The following AGMO variants were observed in gnomAD, a reference collection of about 807,000 sequenced individuals.
AGMO encodes alkylglycerol monooxygenase, also known as glyceryl-ether monooxygenase.
In AGMO, 75 loss-of-function variants were observed where a neutral mutation model predicts 60.2. That is an observed-to-expected ratio of 1.25 (90% confidence interval 1.03 to 1.51). AGMO has a LOEUF of 1.51. Among genes scored for constraint, AGMO ranks in the 40% most tolerant of loss-of-function variants. AGMO has a pLI of 0.00. For missense variants in AGMO, 763 were observed against 525.5 expected, an observed-to-expected ratio of 1.45 and a Z score of -4.42; for synonymous variants, 261 against 177.1, an observed-to-expected ratio of 1.47 and a Z score of -3.76.
the AGMO span, among the ~76,000 whole-genome samples, chr7:15,194,299 G>C: frequency 1.3e-5 from 2 of 152,060 alleles, no homozygotes; most frequent in South Asian, 4.2e-4. Flanking sequence ...TTCAGCTATG[G>C]AGCCAGCACA....
intron 12 of AGMO, among the ~76,000 whole-genome samples, chr7:15,294,274 T>C (rs1784353284): frequency 6.6e-6 from 1 of 152,018 alleles, no homozygotes; most frequent in African/African-American, 2.4e-5. Context: ...AACTTAGCTA[T>C]AACATGCTAG....
At chr7:15,486,738 TTTTTA>T (rs1423551772) in intron 3 of AGMO, among the ~76,000 whole-genome samples, 5 of 152,036 alleles carry the variant, frequency 3.3e-5, no homozygotes, top group African/African-American at 1.2e-4. Context: ...TACTTTTTAA[TTTTTA>T]TTTTATCTTT....
the AGMO span, among the ~76,000 whole-genome samples, chr7:15,170,140 G>C: frequency 6.6e-6 from 1 of 152,226 alleles, no homozygotes; most frequent in Non-Finnish European, 1.5e-5. Context: ...TCTGTCTTCT[G>C]ACCAGGGGTG....
chr7:15,191,280 T>C, the AGMO span, among the ~76,000 whole-genome samples: 2 of 152,146 alleles, frequency 1.3e-5, no homozygotes, highest in African/African-American at 4.8e-5. Context: ...TAACACGATA[T>C]CTTGCTAAAT....
intron 3 of AGMO, among the ~76,000 whole-genome samples, chr7:15,501,099 C>G (rs1783373874): frequency 6.6e-6 from 1 of 150,792 alleles, no homozygotes; most frequent in South Asian, 2.1e-4. Flanking sequence ...GTTTTATGTC[C>G]AATTGTTTGG....
chr7:15,527,663 T>C (rs1784161588), intron 3 of AGMO, among the ~76,000 whole-genome samples: 1 of 152,200 alleles, frequency 6.6e-6, no homozygotes, highest in Non-Finnish European at 1.5e-5. Context: ...AGCCATATAT[T>C]GGAAGAAGAT....
At chr7:15,352,421 A>T (rs1782276440) in intron 12 of AGMO, among the ~76,000 whole-genome samples, 1 of 151,826 alleles carries the variant, frequency 6.6e-6, no homozygotes, top group Admixed American at 6.6e-5. Context: ...TCAAGGGCAG[A>T]CATTTCTAAT....
chr7:15,314,366 T>C (rs554755412), intron 12 of AGMO, among the ~76,000 whole-genome samples: 7 of 152,168 alleles, frequency 4.6e-5, no homozygotes, highest in African/African-American at 1.7e-4. Context: ...AATTGAGTCA[T>C]ACATATATTT....
chr7:15,418,793 T>C, intron 4 of AGMO, 140 bp from the exon 5 acceptor site: 1 of 568,218 alleles, frequency 1.8e-6, no homozygotes, highest in Non-Finnish European at 3.0e-6. Context: ...CCATGTTTAC[T>C]TTGCAACATT....
At chr7:15,481,730 G>T (rs574836886) in intron 3 of AGMO, among the ~76,000 whole-genome samples, 1 of 149,796 alleles carries the variant, frequency 6.7e-6, no homozygotes, top group Non-Finnish European at 1.5e-5. Context: ...TTCAGGATCC[G>T]CCCATACAAT....
Position 15,390,669 on chromosome 7 carries a change from A to G in AGMO, c.822+2T>C, listed in dbSNP as rs199809370. On this transcript the variant is annotated splice_donor_variant, in intron 8 of 12. Coordinates refer to ENST00000342526, the MANE Select transcript of AGMO (RefSeq NM_001004320.2). LOFTEE classifies it high-confidence loss of function. ...AGAAAGAATAAAAAACAAGTATGTT[A>G]CCTGCACTTTGATTGGTTCAAATGT... 125 of 1,580,940 alleles carry G rather than the reference A, an allele frequency of 7.9e-5. No homozygotes were observed. The highest frequency in any genetic ancestry group is 9.9e-5 in the Non-Finnish European group (115 of 1,157,464).
At chr7:15,210,521 G>A (rs978166336) in intron 12 of AGMO, among the ~76,000 whole-genome samples, 2 of 152,068 alleles carry the variant, frequency 1.3e-5, no homozygotes, top group African/African-American at 4.8e-5. Flanking sequence ...AGCAGATGCA[G>A]AGTATTTTAA....
chr7:15,499,742 T>C (rs1470826425), intron 3 of AGMO, among the ~76,000 whole-genome samples: 1 of 151,594 alleles, frequency 6.6e-6, no homozygotes, highest in Admixed American at 6.6e-5. Flanking sequence ...TGTTCAACAA[T>C]AGAGAACTGC....
intron 4 of AGMO, among the ~76,000 whole-genome samples, chr7:15,430,718 C>T (rs1324729001): frequency 2.0e-5 from 3 of 150,992 alleles, no homozygotes; most frequent in African/African-American, 4.9e-5. Context: ...ACATCACCCT[C>T]CTGGGTTACA....
chr7:15,145,200 G>T, the AGMO span, among the ~76,000 whole-genome samples: 2 of 152,118 alleles, frequency 1.3e-5, no homozygotes, highest in Admixed American at 6.5e-5. Flanking sequence ...GAAAAAAGAT[G>T]AGGTAAAATA....
chr7:15,200,407 A>T lies in AGMO; in HGVS notation c.*878T>A, dbSNP rs1781244586. On this transcript the variant is annotated 3_prime_UTR_variant, in exon 13 of 13. Transcript: ENST00000342526. ...TGCATGCTGCCCAGTCTGCCAAAAC[A>T]AATTGACCAAGCATATTAGAGAAAT... The T allele has an allele frequency of 6.6e-6, 1 of 152,260 alleles. No homozygotes were observed. The highest frequency in any genetic ancestry group is 2.4e-5 in the African/African-American group (1 of 41,468). 9.4% of individuals were successfully genotyped at this position (152,260 alleles called of 1,614,324 possible).
At chr7:15,232,421 G>C (rs543168088) in intron 12 of AGMO, among the ~76,000 whole-genome samples, 10 of 152,128 alleles carry the variant, frequency 6.6e-5, no homozygotes, top group African/African-American at 1.9e-4. Flanking sequence ...TTGTGCCAAC[G>C]TTCTTTCTTA....
At chr7:15,317,734 A>T (rs1217242671) in intron 12 of AGMO, among the ~76,000 whole-genome samples, 1 of 151,896 alleles carries the variant, frequency 6.6e-6, no homozygotes, top group Non-Finnish European at 1.5e-5. Context: ...CTGTTATAAG[A>T]AGTAGTAGAA....
At chr7:15,410,461 T>G (rs1278787795) in intron 5 of AGMO, among the ~76,000 whole-genome samples, 1 of 151,846 alleles carries the variant, frequency 6.6e-6, no homozygotes, top group East Asian at 1.9e-4. Flanking sequence ...AATGCAATTT[T>G]TTTCCCTAAA....
Sources: gnomAD v4.1 joint callset for allele counts (sites outside exome capture counted in the v4.1 genomes callset) on GRCh38, gnomAD v4.1.1 for gene constraint, MANE v1.5 for transcripts, NCBI Gene and HGNC (gene_info 2026-07-23, HGNC 2026-07-21) for gene names.